Variants in GRM3 observed in about 807,000 individuals in gnomAD.
GRM3 encodes metabotropic glutamate receptor 3.
Under a neutral mutation model 70.5 loss-of-function variants are expected in GRM3, and 26 were observed. That is an observed-to-expected ratio of 0.37 (90% confidence interval 0.27 to 0.51). The LOEUF (loss-of-function observed/expected upper bound fraction) is 0.51, where lower values mean the gene tolerates loss of function less well. Ranked by LOEUF, GRM3 falls within the 20% of genes least tolerant of loss-of-function variation. The pLI, the probability that GRM3 is intolerant of heterozygous loss-of-function variation, is 0.93. For synonymous variants in GRM3, 443 were observed against 434.9 expected, an observed-to-expected ratio of 1.02 and a Z score of -0.23; for missense variants, 859 against 1,123.8, an observed-to-expected ratio of 0.76 and a Z score of 3.37.
intron 3 of GRM3, among the ~76,000 whole-genome samples, chr7:86,827,738 T>C (rs1798266448): frequency 6.6e-6 from 1 of 152,024 alleles, no homozygotes; most frequent in Non-Finnish European, 1.5e-5. Flanking sequence ...GGTCTCAAAC[T>C]CCTGACCTCA....
chr7:86,740,698 C>T (rs1321706387), intron 1 of GRM3, among the ~76,000 whole-genome samples: 7 of 152,264 alleles, frequency 4.6e-5, no homozygotes, highest in Middle Eastern at 6.8e-3. Flanking sequence ...TCAAGACCCT[C>T]TTAAAAATTC....
chr7:86,825,784 G>A (rs1241849631), intron 3 of GRM3, among the ~76,000 whole-genome samples: 1 of 152,180 alleles, frequency 6.6e-6, no homozygotes, highest in Non-Finnish European at 1.5e-5. Flanking sequence ...AAGTATCCTT[G>A]ATACTGTGAT....
At chr7:86,776,385 C>T (rs987854192) in intron 2 of GRM3, among the ~76,000 whole-genome samples, 2 of 152,136 alleles carry the variant, frequency 1.3e-5, no homozygotes. Flanking sequence ...ATACCATTTG[C>T]TTCTTTTGTG....
At chr7:86,805,065 G>A (rs1797760942) in intron 3 of GRM3, among the ~76,000 whole-genome samples, 1 of 152,096 alleles carries the variant, frequency 6.6e-6, no homozygotes, top group African/African-American at 2.4e-5. Flanking sequence ...AATCAGCCAT[G>A]ATCACACCAC....
intron 1 of GRM3, among the ~76,000 whole-genome samples, chr7:86,686,944 A>T (rs1004594440): frequency 4.6e-5 from 7 of 152,066 alleles, no homozygotes; most frequent in Non-Finnish European, 8.8e-5. Context: ...CCTGCAACTG[A>T]AAATATAAAA....
Position 86,786,155 on chromosome 7 carries a change from A to G in GRM3, c.469-106A>G. ...ACAGAAAAATGTAGCCATCTAGAGT[A>G]GAGGGAAAAGGGAGTCAGTAAAAGG... is the stretch of plus-strand genomic sequence containing the variant. On this transcript the variant is annotated intron_variant, in intron 2 of 5. Coordinates refer to ENST00000361669, the MANE Select transcript of GRM3 (RefSeq NM_000840.3). This position sits in a 1 kb window ranked among gnomAD's most constrained non-coding sequence, Gnocchi z 6.0. The G allele has an allele frequency of 1.1e-6, 1 of 916,760 alleles. No individual in the cohort carries two copies. The highest frequency in any genetic ancestry group is 1.7e-6 in the Non-Finnish European group (1 of 592,754). 56.8% of individuals were successfully genotyped at this position (916,760 alleles called of 1,614,324 possible).
chr7:86,828,094 T>A (rs1297731720), intron 3 of GRM3, among the ~76,000 whole-genome samples: 1 of 118,722 alleles, frequency 8.4e-6, no homozygotes, highest in Non-Finnish European at 1.6e-5. Context: ...CCTGGGCGAC[T>A]GAGCAGAACT....
Position 86,730,039 on chromosome 7 carries a change from G to A in GRM3, c.-140-34967G>A, listed in dbSNP as rs986972346. Among the ~76,000 whole-genome samples, 4 of 152,066 alleles carry A rather than the reference G, an allele frequency of 2.6e-5. 1 individual carries two copies. The East Asian group carries it at 5.8e-4, about 22-fold the overall frequency. On this transcript the variant is annotated intron_variant, in intron 1 of 5. Coordinates refer to ENST00000361669, the MANE Select transcript of GRM3 (RefSeq NM_000840.3). ...GGAGAATAGCTTGAACCTGGGAGGC[G>A]GAGGTTGCAGTGAGCCGTGAGCCAA...
intron 3 of GRM3, among the ~76,000 whole-genome samples, chr7:86,791,369 C>G (rs1355719748): frequency 6.6e-6 from 1 of 152,158 alleles, no homozygotes; most frequent in African/African-American, 2.4e-5. Context: ...TGTATGACTT[C>G]TAGAGTGGCT....
At chr7:86,676,593 TG>T (rs1472936573) in intron 1 of GRM3, among the ~76,000 whole-genome samples, 1 of 152,054 alleles carries the variant, frequency 6.6e-6, no homozygotes, top group Non-Finnish European at 1.5e-5. Context: ...AAGTTATCTA[TG>T]TTCAAACATT....
chr7:86,762,584 A>T (rs1408235935), intron 1 of GRM3, among the ~76,000 whole-genome samples: 1 of 152,130 alleles, frequency 6.6e-6, no homozygotes, highest in African/African-American at 2.4e-5. Context: ...CATTTCATTA[A>T]TTCTCAATGA....
intron 2 of GRM3, among the ~76,000 whole-genome samples, chr7:86,783,529 G>A (rs201002488): frequency 2.0e-5 from 3 of 146,372 alleles, no homozygotes; most frequent in Non-Finnish European, 3.0e-5. Context: ...GTGTGTGTGT[G>A]TGTATGTACA....
At chr7:86,804,470 C>T (rs184323286) in intron 3 of GRM3, among the ~76,000 whole-genome samples, 28 of 152,234 alleles carry the variant, frequency 1.8e-4, no homozygotes, top group Non-Finnish European at 2.6e-4. Context: ...AGTACAATGG[C>T]GCAATCTCGG....
chr7:86,820,906 C>A (rs150208552), intron 3 of GRM3, among the ~76,000 whole-genome samples: 4 of 152,272 alleles, frequency 2.6e-5, no homozygotes, highest in African/African-American at 9.6e-5. Context: ...GCAGAGATGA[C>A]CCCCAAGGTG....
chr7:86,827,884 G>A (rs891822242), intron 3 of GRM3, among the ~76,000 whole-genome samples: 1 of 152,042 alleles, frequency 6.6e-6, no homozygotes, highest in Non-Finnish European at 1.5e-5. Flanking sequence ...AGGCCAAGGC[G>A]GGCGGAACAC....
intron 3 of GRM3, among the ~76,000 whole-genome samples, chr7:86,837,388 G>A (rs1475001668): frequency 6.6e-6 from 1 of 152,166 alleles, no homozygotes; most frequent in Non-Finnish European, 1.5e-5. Flanking sequence ...CCTCAGAGAA[G>A]GTGGAATGAA....
At chr7:86,864,182 C>T (rs1799016619) in intron 5 of GRM3, 100 bp from the exon 6 acceptor site, 2 of 727,592 alleles carry the variant, frequency 2.7e-6, no homozygotes, top group Admixed American at 1.8e-5. Context: ...TCCTTCCCAC[C>T]CTTCCCCCCG....
intron 2 of GRM3, among the ~76,000 whole-genome samples, chr7:86,781,043 T>C (rs1247738520): frequency 3.3e-5 from 5 of 152,170 alleles, no homozygotes; most frequent in Non-Finnish European, 7.4e-5. Context: ...CTACCACTTA[T>C]GGGTTCCTCA....
rs139362631 is a variant in GRM3, at chr7:86,755,132, T to C, written c.-140-9874T>C. On this transcript the variant is annotated intron_variant, in intron 1 of 5. Coordinates refer to ENST00000361669, the MANE Select transcript of GRM3 (RefSeq NM_000840.3). ...CATAAGCCACCCATCAAGCCAGGAA[T>C]GAATTCACCTCACTTTAGAAGCATA... Among the ~76,000 whole-genome samples, 187 of 152,004 alleles carry C rather than the reference T, an allele frequency of 1.2e-3. 2 individuals are homozygous for C. The highest frequency in any genetic ancestry group is 4.3e-3 in the African/African-American group (179 of 41,462).
Sources: gnomAD v4.1 joint callset for allele counts (sites outside exome capture counted in the v4.1 genomes callset) on GRCh38, gnomAD v4.1.1 for gene constraint, Gnocchi (gnomAD v3.1) non-coding constraint, MANE v1.5 for transcripts, NCBI Gene and HGNC (gene_info 2026-07-23, HGNC 2026-07-21) for gene names.